The following CPN1 variants were observed in gnomAD, a reference collection of about 807,000 sequenced individuals.
CPN1 encodes the protein carboxypeptidase N subunit 1, also known as carboxypeptidase N catalytic chain.
Under a neutral mutation model 46.4 loss-of-function variants are expected in CPN1, and 37 were observed. The ratio of observed to expected loss-of-function variants is 0.80; its 90% CI spans 0.61 to 1.05. The LOEUF is 1.05. Among genes scored for constraint, CPN1 ranks in the 50% least tolerant of loss-of-function variants. CPN1 has a pLI of 0.00. For synonymous variants in CPN1, 224 were observed against 235.4 expected (o/e 0.95, Z 0.44); for missense variants, 563 against 602.6 (o/e 0.93, Z 0.69).
intron 2 of CPN1, among the ~76,000 whole-genome samples, chr10:100,075,280 ACT>A (rs1390489657): frequency 1.3e-5 from 2 of 152,104 alleles, no homozygotes; most frequent in East Asian, 3.9e-4. Context: ...ACAAAGTAAG[ACT>A]CTATCCCAAA....
intron 3 of CPN1, among the ~76,000 whole-genome samples, chr10:100,067,751 G>A (rs1210538246): frequency 6.6e-6 from 1 of 152,166 alleles, no homozygotes; most frequent in South Asian, 2.1e-4. Context: ...TTCCATTATA[G>A]GCCTCTTGGA....
chr10:100,048,670 G>T, intron 8 of CPN1, 88 bp downstream of exon 8: 1 of 996,860 alleles, frequency 1.0e-6, no homozygotes, highest in Non-Finnish European at 1.6e-6. Context: ...CTGCACTCCA[G>T]CCTGGGTGAC....
intron 7 of CPN1, 68 bp from the exon 8 acceptor site, chr10:100,048,944 A>G (rs2041333556): frequency 7.9e-7 from 1 of 1,262,596 alleles, no homozygotes; most frequent in African/African-American, 1.5e-5. Context: ...TAGGGTTTTT[A>G]TCTGACTACA....
chr10:100,046,508 C>T (rs1157320687), intron 8 of CPN1, among the ~76,000 whole-genome samples: 2 of 152,226 alleles, frequency 1.3e-5, no homozygotes, highest in Non-Finnish European at 2.9e-5. Context: ...TGCAGTGGCT[C>T]ACGCCTGTAA....
chr10:100,069,603 T>C (rs1273218261), intron 3 of CPN1, 111 bp downstream of exon 3: 9 of 1,272,422 alleles, frequency 7.1e-6, no homozygotes, highest in African/African-American at 2.9e-5. Context: ...CTGAGTTGAG[T>C]TGATGCTTAA....
chr10:100,073,019 G>A (rs79612613), intron 2 of CPN1, among the ~76,000 whole-genome samples: 3 of 152,220 alleles, frequency 2.0e-5, no homozygotes, highest in East Asian at 1.9e-4. Flanking sequence ...CAGATGAATC[G>A]CCGTTCTCAT....
chr10:100,061,767 G>T (rs1455527655), intron 5 of CPN1, among the ~76,000 whole-genome samples: 1 of 152,010 alleles, frequency 6.6e-6, no homozygotes, highest in Non-Finnish European at 1.5e-5. Flanking sequence ...AATTTGGAGG[G>T]CAAAAAATAT....
intron 7 of CPN1, among the ~76,000 whole-genome samples, chr10:100,051,002 G>A (rs2041348693): frequency 6.6e-6 from 1 of 152,078 alleles, no homozygotes; most frequent in South Asian, 2.1e-4. Flanking sequence ...TCCAGCCTGG[G>A]CGACAGAGCG....
intron 2 of CPN1, among the ~76,000 whole-genome samples, chr10:100,075,304 C>T (rs907351056): frequency 1.3e-5 from 2 of 152,068 alleles, no homozygotes; most frequent in African/African-American, 4.8e-5. Context: ...AAAGAAAGCC[C>T]TTAGACATTT....
intron 5 of CPN1, among the ~76,000 whole-genome samples, chr10:100,060,120 T>C (rs1194565337): frequency 6.6e-6 from 1 of 152,022 alleles, no homozygotes; most frequent in East Asian, 1.9e-4. Flanking sequence ...GTTTAATGGG[T>C]ATAGGGTTTC....
intron 3 of CPN1, among the ~76,000 whole-genome samples, chr10:100,069,264 A>G (rs1312536388): frequency 6.6e-6 from 1 of 152,160 alleles, no homozygotes; most frequent in African/African-American, 2.4e-5. Flanking sequence ...CAGGCAGATC[A>G]CGAAGTCAGG....
chr10:100,058,677 C>T (rs1336308260), intron 5 of CPN1, among the ~76,000 whole-genome samples: 3 of 152,050 alleles, frequency 2.0e-5, no homozygotes, highest in African/African-American at 7.2e-5. Context: ...ATAGAAAGCC[C>T]ATCCTAAAAT....
intron 5 of CPN1, among the ~76,000 whole-genome samples, chr10:100,057,795 G>T (rs781229526): frequency 6.6e-5 from 10 of 152,076 alleles, no homozygotes; most frequent in Non-Finnish European, 1.0e-4. Flanking sequence ...TTGGGGTGAT[G>T]ATAGCAGGTC....
At chr10:100,081,307 A>T in intron 1 of CPN1, 96 bp downstream of exon 1, 1 of 1,013,614 alleles carries the variant, frequency 9.9e-7, no homozygotes, top group Non-Finnish European at 1.5e-6. Context: ...TTGTAGGCGG[A>T]GGCGTCCACG....
Sources: gnomAD v4.1 joint callset for allele counts (sites outside exome capture counted in the v4.1 genomes callset) on GRCh38, gnomAD v4.1.1 for gene constraint, MANE v1.5 for transcripts, NCBI Gene and HGNC (gene_info 2026-07-23, HGNC 2026-07-21) for gene names.